NRG1: variants seen among roughly 807,000 people sequenced by gnomAD.
The protein encoded by NRG1 is pro-neuregulin-1, membrane-bound isoform.
NRG1 carries 18 observed loss-of-function variants against 63.8 expected under a neutral mutation model. The ratio of observed to expected loss-of-function variants is 0.28; its 90% CI spans 0.19 to 0.42. The LOEUF (loss-of-function observed/expected upper bound fraction) is 0.42. Among genes scored for constraint, NRG1 ranks in the 10% least tolerant of loss-of-function variants. The probability of loss-of-function intolerance (pLI) is 1.00; values close to 1 mark genes in which losing one functional copy is unlikely to be tolerated. For missense variants in NRG1, 762 were observed against 814.7 expected, an observed-to-expected ratio of 0.94 and a Z score of 0.79; for synonymous variants, 302 against 301.3, an observed-to-expected ratio of 1.00 and a Z score of -0.02.
At chr8:32,270,394 A>C (rs1329604366) in intron 1 of NRG1, among the ~76,000 whole-genome samples, 1 of 152,232 alleles carries the variant, frequency 6.6e-6, no homozygotes, top group East Asian at 1.9e-4. Flanking sequence ...TTATGTATTT[A>C]ACTTGTAACT....
chr8:32,281,404 C>A (rs1392619565), intron 1 of NRG1, among the ~76,000 whole-genome samples: 4 of 151,768 alleles, frequency 2.6e-5, no homozygotes, highest in Non-Finnish European at 5.9e-5. Context: ...TCTCGAACTC[C>A]TGACCTCAGG....
intron 1 of NRG1, among the ~76,000 whole-genome samples, chr8:31,846,734 C>T (rs1826724751): frequency 6.6e-6 from 1 of 152,160 alleles, no homozygotes. Flanking sequence ...TTATTTACCT[C>T]TCCTTAAAAG....
chr8:32,162,916 C>T (rs1333679087), intron 1 of NRG1, among the ~76,000 whole-genome samples: 1 of 152,114 alleles, frequency 6.6e-6, no homozygotes, highest in Non-Finnish European at 1.5e-5. Flanking sequence ...CAATATGAAC[C>T]AACCACACCA....
intron 1 of NRG1, among the ~76,000 whole-genome samples, chr8:31,708,655 C>T (rs1018504200): frequency 1.1e-4 from 16 of 151,840 alleles, no homozygotes; most frequent in Middle Eastern, 3.4e-3. Context: ...CCGTTTTAGC[C>T]GGGATGGTCT....
At chr8:32,460,406 T>TA (rs1822165614) in intron 1 of NRG1, among the ~76,000 whole-genome samples, 1 of 152,232 alleles carries the variant, frequency 6.6e-6, no homozygotes, top group Non-Finnish European at 1.5e-5. Context: ...CACGACCTGT[T>TA]AAAACCATTT....
chr8:32,749,114 T>C (rs1828152315), intron 7 of NRG1: 1 of 159,416 alleles, frequency 6.3e-6, no homozygotes, highest in Non-Finnish European at 1.4e-5. Context: ...CCAATGGGTG[T>C]CTTTGGGTAA....
At chr8:32,386,663 T>C (rs763873545) in intron 1 of NRG1, among the ~76,000 whole-genome samples, 21 of 152,184 alleles carry the variant, frequency 1.4e-4, no homozygotes, top group Admixed American at 2.6e-4. Flanking sequence ...ACATAAAATG[T>C]ATTCTCCCAG....
At chr8:31,938,182 G>C (rs377467048) in intron 1 of NRG1, among the ~76,000 whole-genome samples, 7 of 152,148 alleles carry the variant, frequency 4.6e-5, no homozygotes, top group African/African-American at 1.7e-4. Context: ...CTCCACCAGA[G>C]TAGGTACTAG....
chr8:31,906,382 C>T (rs1276270231), intron 1 of NRG1, among the ~76,000 whole-genome samples: 1 of 151,986 alleles, frequency 6.6e-6, no homozygotes, highest in Non-Finnish European at 1.5e-5. Context: ...AACACAGGTA[C>T]GATGTAGGAG....
chr8:32,709,538 G>A (rs2128978693), intron 5 of NRG1, among the ~76,000 whole-genome samples: 1 of 151,994 alleles, frequency 6.6e-6, no homozygotes, highest in East Asian at 1.9e-4. Context: ...AGCCTCTCAA[G>A]TGGCTGGGAC....
chr8:31,885,644 T>A (rs1830662348), intron 1 of NRG1, among the ~76,000 whole-genome samples: 1 of 152,106 alleles, frequency 6.6e-6, no homozygotes, highest in Non-Finnish European at 1.5e-5. Context: ...AGGCAACAGT[T>A]TTCTCCATAG....
intron 1 of NRG1, among the ~76,000 whole-genome samples, chr8:31,889,983 G>T (rs1359391262): frequency 6.6e-6 from 1 of 152,224 alleles, no homozygotes; most frequent in Admixed American, 6.5e-5. Flanking sequence ...AAACAGCCAT[G>T]AGACAGGATT....
At chr8:32,719,942 C>T (rs575369665) in intron 5 of NRG1, among the ~76,000 whole-genome samples, 5 of 151,956 alleles carry the variant, frequency 3.3e-5, no homozygotes, top group Non-Finnish European at 7.4e-5. Context: ...AATTGACTTT[C>T]TAATTTCATC....
At chr8:32,409,357 AC>A (rs1814561084) in intron 1 of NRG1, among the ~76,000 whole-genome samples, 1 of 152,232 alleles carries the variant, frequency 6.6e-6, no homozygotes, top group Admixed American at 6.5e-5. Context: ...GGAATTCATT[AC>A]TAAGACCCCA....
chr8:32,166,089 GC>G (rs1258839993), intron 1 of NRG1, among the ~76,000 whole-genome samples: 1 of 152,142 alleles, frequency 6.6e-6, no homozygotes, highest in African/African-American at 2.4e-5. Flanking sequence ...GCTGTGAAGA[GC>G]CATTATAGAC....
intron 5 of NRG1, among the ~76,000 whole-genome samples, chr8:32,672,431 G>A (rs1459549477): frequency 1.3e-5 from 2 of 151,998 alleles, no homozygotes; most frequent in African/African-American, 4.8e-5. Flanking sequence ...CTTTCATTAT[G>A]AGAATCTCCC....
chr8:32,141,591 G>GAT (rs1836273053), intron 1 of NRG1, among the ~76,000 whole-genome samples: 1 of 22,864 alleles, frequency 4.4e-5, no homozygotes. Flanking sequence ...TATGTGTGTG[G>GAT]GTATATATAT....
chr8:31,789,550 A>G (rs1173125975), intron 1 of NRG1, among the ~76,000 whole-genome samples: 1 of 152,218 alleles, frequency 6.6e-6, no homozygotes, highest in African/African-American at 2.4e-5. Flanking sequence ...TAGCCAAAAA[A>G]TGATAAACCA....
chr8:31,709,249 C>T (rs1302990649), intron 1 of NRG1, among the ~76,000 whole-genome samples: 5 of 146,812 alleles, frequency 3.4e-5, no homozygotes. Flanking sequence ...TGGAAATTAT[C>T]TTGTGCTGTA....
Sources: gnomAD v4.1 joint callset for allele counts (sites outside exome capture counted in the v4.1 genomes callset) on GRCh38, gnomAD v4.1.1 for gene constraint, MANE v1.5 for transcripts, NCBI Gene and HGNC (gene_info 2026-07-23, HGNC 2026-07-21) for gene names.